LYPLAL1: variants seen among roughly 807,000 people sequenced by gnomAD.
The protein encoded by LYPLAL1 is lysophospholipase like 1, also known as lysophospholipase-like protein 1.
LYPLAL1 carries 23 observed loss-of-function variants against 19.7 expected under a neutral mutation model. That is an observed-to-expected ratio of 1.17 (90% CI 0.84 to 1.65). The LOEUF is 1.65. LYPLAL1 is among the 40% of genes most tolerant of loss of function. The pLI, the probability that LYPLAL1 is intolerant of heterozygous loss-of-function variation, is 0.00. For missense variants in LYPLAL1, 355 were observed against 279.4 expected (o/e 1.27, Z -1.93); for synonymous variants, 119 against 96.3 (o/e 1.24, Z -1.38).
At chr1:219,261,511 C>A in the LYPLAL1 span, among the ~76,000 whole-genome samples, 1 of 152,138 alleles carries the variant, frequency 6.6e-6, no homozygotes, top group Non-Finnish European at 1.5e-5. Flanking sequence ...AAGAAAAAGG[C>A]AGAGGTGGTG....
chr1:219,199,953 C>T (rs1351282063), intron 3 of LYPLAL1: 1 of 233,802 alleles, frequency 4.3e-6, no homozygotes, highest in Non-Finnish European at 9.1e-6. Context: ...AGATGAGTGC[C>T]ACACACATCC....
In LYPLAL1 at chr1:219,212,630, A is replaced by G. The variant is rs1185442961; in HGVS notation, c.*902A>G. The G allele has an allele frequency of 2.9e-4, 44 of 152,044 alleles. No homozygotes were observed. Among genetic ancestry groups the G allele is most frequent in the Admixed American group, 2.8e-3 (43 of 15,240 alleles). The allele number at this position is 152,044 out of a possible 1,614,324, so 9.4% of individuals were successfully genotyped here. A position where few individuals can be genotyped will look rare whatever the true frequency, so the allele number is the denominator to read the frequency against. On this transcript the variant is annotated 3_prime_UTR_variant, in exon 5 of 5. Coordinates refer to ENST00000366928, the MANE Select transcript of LYPLAL1 (RefSeq NM_138794.5). ...CACAACTGTTTAAGTTTTATTAAATATACATTATCCCTATTTGTATAAATA... is the reference window on the plus strand; with the variant it reads ...CACAACTGTTTAAGTTTTATTAAATGTACATTATCCCTATTTGTATAAATA...
chr1:219,293,855 G>A, the LYPLAL1 span, among the ~76,000 whole-genome samples: 1 of 152,198 alleles, frequency 6.6e-6, no homozygotes, highest in Non-Finnish European at 1.5e-5. Flanking sequence ...TTAAGGAAGA[G>A]AAAGGATGCC....
At chr1:219,279,280 C>A in the LYPLAL1 span, among the ~76,000 whole-genome samples, 1 of 152,072 alleles carries the variant, frequency 6.6e-6, no homozygotes, top group South Asian at 2.1e-4. Flanking sequence ...TACCAATGCT[C>A]CTATATGACT....
chr1:219,415,759 G>GC, the LYPLAL1 span, among the ~76,000 whole-genome samples: 8 of 152,186 alleles, frequency 5.3e-5, no homozygotes, highest in Admixed American at 2.0e-4. Context: ...CAAGTTGTCA[G>GC]CAGGGCCATG....
the LYPLAL1 span, among the ~76,000 whole-genome samples, chr1:219,334,526 GGTGTGTGTGTGT>G: frequency 3.4e-5 from 5 of 147,148 alleles, no homozygotes; most frequent in Admixed American, 6.9e-5. Context: ...AATGAAGAGG[GGTGTGTGTGTGT>G]GTGTGTGTGT....
At chr1:219,420,234 G>T in the LYPLAL1 span, among the ~76,000 whole-genome samples, 1 of 152,210 alleles carries the variant, frequency 6.6e-6, no homozygotes, top group Admixed American at 6.5e-5. Flanking sequence ...AAAGGCTTCA[G>T]AAAAGTCTTG....
At chr1:219,313,636 G>A in the LYPLAL1 span, among the ~76,000 whole-genome samples, 10 of 152,038 alleles carry the variant, frequency 6.6e-5, no homozygotes, top group Admixed American at 5.2e-4. Context: ...CCGGGTTCAT[G>A]TGATTCTCCT....
the LYPLAL1 span, among the ~76,000 whole-genome samples, chr1:219,342,683 G>C: frequency 6.6e-6 from 1 of 152,070 alleles, no homozygotes; most frequent in Non-Finnish European, 1.5e-5. Context: ...TGAAGTTAAG[G>C]CTGCATAAAG....
the LYPLAL1 span, among the ~76,000 whole-genome samples, chr1:219,253,849 A>G: frequency 1.3e-5 from 2 of 151,992 alleles, no homozygotes; most frequent in East Asian, 1.9e-4. Context: ...TTCTGCCTCA[A>G]TGATTTGTCT....
chr1:219,234,182 G>A, the LYPLAL1 span, among the ~76,000 whole-genome samples: 1 of 152,014 alleles, frequency 6.6e-6, no homozygotes, highest in Non-Finnish European at 1.5e-5. Context: ...TGTTTGTTAG[G>A]TATCCAATAC....
chr1:219,368,054 G>A, the LYPLAL1 span, among the ~76,000 whole-genome samples: 1 of 150,814 alleles, frequency 6.6e-6, no homozygotes, highest in African/African-American at 2.4e-5. Context: ...TCTTTCTCTA[G>A]ATGAGTTATT....
chr1:219,286,438 C>T, the LYPLAL1 span, among the ~76,000 whole-genome samples: 2 of 152,256 alleles, frequency 1.3e-5, no homozygotes, highest in Non-Finnish European at 2.9e-5. Context: ...ATAGCAATAG[C>T]TATCCCTGGC....
chr1:219,398,260 T>C, the LYPLAL1 span, among the ~76,000 whole-genome samples: 1 of 152,202 alleles, frequency 6.6e-6, no homozygotes, highest in Non-Finnish European at 1.5e-5. Flanking sequence ...CTTTTATTCT[T>C]TTTTTCTCTA....
intron 3 of LYPLAL1, among the ~76,000 whole-genome samples, chr1:219,194,653 T>C (rs1415213893): frequency 6.6e-6 from 1 of 151,952 alleles, no homozygotes; most frequent in Non-Finnish European, 1.5e-5. Flanking sequence ...CCTATCACAA[T>C]GCCTGGCACA....
the LYPLAL1 span, among the ~76,000 whole-genome samples, chr1:219,414,856 A>G: frequency 6.6e-6 from 1 of 152,180 alleles, no homozygotes; most frequent in Admixed American, 6.5e-5. Flanking sequence ...CACTGAGGCT[A>G]TGGTAGGCAA....
At chr1:219,299,335 G>C in the LYPLAL1 span, among the ~76,000 whole-genome samples, 1 of 152,052 alleles carries the variant, frequency 6.6e-6, no homozygotes, top group East Asian at 1.9e-4. Context: ...TTACATAGTA[G>C]TAATATGTAC....
the LYPLAL1 span, among the ~76,000 whole-genome samples, chr1:219,395,545 A>T: frequency 6.6e-6 from 1 of 152,058 alleles, no homozygotes; most frequent in Non-Finnish European, 1.5e-5. Flanking sequence ...AGTTGGCAAA[A>T]ATTTCCTCTC....
At chr1:219,366,293 T>A in the LYPLAL1 span, among the ~76,000 whole-genome samples, 11,145 of 152,206 alleles carry the variant, frequency 0.073, 522 homozygotes, top group South Asian at 0.14. Flanking sequence ...TAACATTAAA[T>A]GGAGCTGGAA....
Sources: gnomAD v4.1 joint callset for allele counts (sites outside exome capture counted in the v4.1 genomes callset) on GRCh38, gnomAD v4.1.1 for gene constraint, MANE v1.5 for transcripts, NCBI Gene and HGNC (gene_info 2026-07-23, HGNC 2026-07-21) for gene names.